The following TRIP11 variants were observed in gnomAD, a reference collection of about 807,000 sequenced individuals.
TRIP11 encodes thyroid hormone receptor interactor 11.
In TRIP11, 148 loss-of-function variants were observed where a neutral mutation model predicts 223.1. That is an observed-to-expected ratio of 0.66 (90% CI 0.58 to 0.76). TRIP11 has a LOEUF of 0.76. Ranked by LOEUF, TRIP11 falls within the 30% of genes least tolerant of loss-of-function variation. The pLI is 0.00. For missense variants in TRIP11, 2,043 were observed against 2,222.0 expected (o/e 0.92, Z 1.62); for synonymous variants, 762 against 772.6 (o/e 0.99, Z 0.23).
intron 9 of TRIP11, 127 bp from the exon 10 acceptor site, chr14:92,007,979 A>G (rs2140122010): frequency 1.4e-6 from 1 of 699,152 alleles, no homozygotes; most frequent in Non-Finnish European, 2.4e-6. Flanking sequence ...ATATTGAACA[A>G]TACCTCAATA....
intron 17 of TRIP11, 125 bp from the exon 18 acceptor site, chr14:91,975,411 A>G: frequency 1.9e-6 from 1 of 532,490 alleles, no homozygotes; most frequent in Non-Finnish European, 3.2e-6. Flanking sequence ...TCTAAACAAA[A>G]TATTTTAAAG....
At position 92,039,929 on chromosome 14, in the gene TRIP11, C is replaced by T. The variant is rs2057366627; in HGVS notation, c.-244G>A. 4.7e-6 allele frequency: 3 copies of T among 635,824 alleles called. No individual in the cohort carries two copies. In the East Asian group the frequency reaches 8.8e-5, roughly 19 times the overall value. The allele number at this position is 635,824 out of a possible 1,614,324, so 39.4% of individuals were successfully genotyped here. On this transcript the variant is annotated 5_prime_UTR_variant, in exon 1 of 21. Transcript: ENST00000267622. ...ACCTACGGAGGGCCTTCTGCTCATT[C>T]CCACGAATTCCCACCGTCCAGATTG...
chr14:91,975,259 A>G lies in TRIP11; in HGVS notation c.5370T>C (p.Gly1790=). 6.2e-7 allele frequency: 1 copy of G among 1,613,580 alleles called. No individual in the cohort carries two copies. Among genetic ancestry groups the G allele is most frequent in the Non-Finnish European group, 8.5e-7 (1 of 1,179,620 alleles). The change falls in exon 18 of 21, where the codon GGT becomes GGC. Residue 1790 remains glycine (G), a synonymous_variant. Coordinates refer to ENST00000267622, the MANE Select transcript of TRIP11 (RefSeq NM_004239.4). ...DKVLMRNLFI[G]HFHTPKNQRH... ...GCTGATTTTTCGGTGTGTGGAAATG[A>G]CCAATGAAGAGGTTTCTCATTAGGA...
chr14:91,971,844 T>C (rs1261528266), intron 20 of TRIP11, among the ~76,000 whole-genome samples: 1 of 152,178 alleles, frequency 6.6e-6, no homozygotes, highest in Non-Finnish European at 1.5e-5. Context: ...AAAATAGAAA[T>C]ATTTGTCTAA....
In TRIP11 at chr14:91,972,783, C is replaced by T; in HGVS notation, c.5653G>A (p.Asp1885Asn). Residue 1885 changes from aspartate (D) to asparagine (N), a missense_variant, in exon 20 of 21, where the codon GAT becomes AAT. By Grantham distance (23) the Asp-to-Asn change is conservative (BLOSUM62 1). Coordinates refer to ENST00000267622, the MANE Select transcript of TRIP11 (RefSeq NM_004239.4). ...SIPPPKLSVH[D>N]MKPLDSPGRR... is the part of the protein sequence containing the mutation. ...CCTGGTGAATCCAGAGGTTTCATAT[C>T]ATGAACAGAAAGCTTTGGTGGTGGA... 1 of 1,613,240 alleles carries T rather than the reference C, an allele frequency of 6.2e-7. No individual in the cohort carries two copies. Among genetic ancestry groups the T allele is most frequent in the Non-Finnish European group, 8.5e-7 (1 of 1,179,670 alleles).
At chr14:92,013,935 C>CTT (rs1172041828) in intron 7 of TRIP11, among the ~76,000 whole-genome samples, 8 of 152,128 alleles carry the variant, frequency 5.3e-5, no homozygotes, top group African/African-American at 1.9e-4. Context: ...TAACAACTGA[C>CTT]TTTGAAGAAG....
At chr14:91,984,600 G>C (rs1366748804) in intron 16 of TRIP11, among the ~76,000 whole-genome samples, 1 of 152,130 alleles carries the variant, frequency 6.6e-6, no homozygotes, top group Admixed American at 6.6e-5. Context: ...ACAGGTGTGA[G>C]CCACCACGTC....
At chr14:92,010,580 T>C (rs2056959368) in intron 9 of TRIP11, among the ~76,000 whole-genome samples, 1 of 152,068 alleles carries the variant, frequency 6.6e-6, no homozygotes, top group Admixed American at 6.6e-5. Flanking sequence ...TGTTGCTCTT[T>C]ATGCCTCACC....
Position 92,037,758 on chromosome 14 carries a change from C to T in TRIP11, c.139+1789G>A, listed in dbSNP as rs536754919. ...AGGTGTGGTGGCACACGCCTGTAAT[C>T]CCAGCTACTTGGGAGGCTGAGGCAG... is the stretch of plus-strand genomic sequence containing the variant. On this transcript the variant is annotated intron_variant, in intron 1 of 20. Coordinates refer to ENST00000267622, the MANE Select transcript of TRIP11 (RefSeq NM_004239.4). The surrounding 1 kb of genome is among the most constrained non-coding windows in gnomAD (Gnocchi z 4.2). 5.3e-5 allele frequency among the ~76,000 whole-genome samples: 8 copies of T among 152,306 alleles called. No individual in the cohort carries two copies. The highest frequency in any genetic ancestry group is 5.2e-4 in the Admixed American group (8 of 15,298).
chr14:92,013,270 A>C (rs899169307), intron 7 of TRIP11, among the ~76,000 whole-genome samples: 13 of 152,226 alleles, frequency 8.5e-5, no homozygotes, highest in African/African-American at 4.8e-5. Context: ...CTGTCTCAAA[A>C]AAACAAACAA....
rs187483532 is a variant in TRIP11 at position 91,975,035 on chromosome 14, G to A, written c.5457+137C>T. 4.8e-4 allele frequency: 405 copies of A among 837,330 alleles called. 3 individuals are homozygous for A. The African/African-American group carries it at 6.2e-3, about 13-fold the overall frequency. The allele number at this position is 837,330 out of a possible 1,614,324, so 51.9% of individuals were successfully genotyped here. ...TATTGAACAAATCTGCCTCTTCAAT[G>A]TTGTATGAAGTAATTCCATTTCCAC... On this transcript the variant is annotated intron_variant, in intron 18 of 20. Coordinates refer to ENST00000267622, the MANE Select transcript of TRIP11 (RefSeq NM_004239.4).
intron 9 of TRIP11, 102 bp downstream of exon 9, chr14:92,010,884 T>G: frequency 2.7e-6 from 3 of 1,098,922 alleles, no homozygotes; most frequent in Non-Finnish European, 4.2e-6. Context: ...TCTAAGGACT[T>G]GAGCTCAATT....
At position 92,002,911 on chromosome 14, in the gene TRIP11, C is replaced by G. The variant is rs150396203; in HGVS notation, c.4557+508G>C. 9.2e-5 allele frequency among the ~76,000 whole-genome samples: 14 copies of G among 152,106 alleles called. No individual in the cohort carries two copies. The South Asian group carries it at 2.9e-3, about 32-fold the overall frequency. ...ATTCTTTTTCAAACAGAGTATCACA[C>G]GTAATAAGAGCAATTTCTGGTTCCT... On this transcript the variant is annotated intron_variant, in intron 11 of 20. Coordinates refer to ENST00000267622, the MANE Select transcript of TRIP11 (RefSeq NM_004239.4).
chr14:91,975,620 A>G (rs2056454389), intron 17 of TRIP11, among the ~76,000 whole-genome samples: 1 of 152,110 alleles, frequency 6.6e-6, no homozygotes, highest in African/African-American at 2.4e-5. Context: ...TGAAGCAGAA[A>G]CTTAAATGGT....
Position 92,014,331 on chromosome 14 carries a change from C to A in TRIP11, c.1070G>T (p.Cys357Phe). The A allele has an allele frequency of 6.2e-7, 1 of 1,614,076 alleles. No homozygotes were observed. Among genetic ancestry groups the A allele is most frequent in the South Asian group, 1.1e-5 (1 of 91,086 alleles). The change falls in exon 7 of 21, where the codon TGT becomes TTT. Residue 357 changes from cysteine (C) to phenylalanine (F), a missense_variant. Physicochemically the swap from Cys to Phe is radical, Grantham distance 205. Coordinates refer to ENST00000267622, the MANE Select transcript of TRIP11 (RefSeq NM_004239.4). ...MEECENLKLE[C>F]SKLQPSAVKQ... ...CACAGCAGAAGGCTGCAATTTACTA[C>A]ATTCCAATTTCAAGTTTTCACATTC...
chr14:92,022,481 G>A (rs573702865), intron 3 of TRIP11, among the ~76,000 whole-genome samples: 152 of 152,312 alleles, frequency 1.0e-3, no homozygotes, highest in African/African-American at 3.4e-3. Flanking sequence ...AGGAGCCAGC[G>A]AAAATCTGAC....
intron 6 of TRIP11, 77 bp from the exon 7 acceptor site, chr14:92,014,654 G>T: frequency 6.9e-7 from 1 of 1,451,262 alleles, no homozygotes; most frequent in East Asian, 2.4e-5. Flanking sequence ...ACAACTAAGA[G>T]ATATAAGACA....
intron 18 of TRIP11, 67 bp downstream of exon 18, chr14:91,975,105 A>C: frequency 7.3e-7 from 1 of 1,364,828 alleles, no homozygotes; most frequent in East Asian, 2.3e-5. Flanking sequence ...AGTAAAAGGA[A>C]GTAATTGTCT....
chr14:92,018,548 T>TTTTAATGA (rs1475823206), intron 4 of TRIP11, among the ~76,000 whole-genome samples: 5 of 152,210 alleles, frequency 3.3e-5, no homozygotes, highest in Non-Finnish European at 7.3e-5. Context: ...AACCAAAAGC[T>TTTTAATGA]ACTCTAGGAC....
Sources: gnomAD v4.1 joint callset for allele counts (sites outside exome capture counted in the v4.1 genomes callset) on GRCh38, gnomAD v4.1.1 for gene constraint, Gnocchi (gnomAD v3.1) non-coding constraint, MANE v1.5 for transcripts, NCBI Gene and HGNC (gene_info 2026-07-23, HGNC 2026-07-21) for gene names.